Variants in KCND2 observed in about 807,000 individuals in gnomAD.
KCND2 encodes potassium voltage-gated channel subfamily D member 2, also known as A-type voltage-gated potassium channel KCND2.
KCND2 carries 16 observed loss-of-function variants against 54.4 expected under a neutral mutation model. The ratio of observed to expected loss-of-function variants is 0.29; its 90% CI spans 0.20 to 0.45. The LOEUF (loss-of-function observed/expected upper bound fraction) is 0.45. Ranked by LOEUF, KCND2 falls within the 20% of genes least tolerant of loss-of-function variation. KCND2 has a pLI of 1.00. For synonymous variants in KCND2, 317 were observed against 310.7 expected (o/e 1.02, Z -0.21); for missense variants, 486 against 824.2 (o/e 0.59, Z 5.02).
At chr7:120,277,250 T>G (rs1335327153) in intron 1 of KCND2, among the ~76,000 whole-genome samples, 2 of 152,132 alleles carry the variant, frequency 1.3e-5, no homozygotes, top group African/African-American at 4.8e-5. Flanking sequence ...CATGTTCTAC[T>G]TCTTATATTT....
intron 1 of KCND2, 27 bp from the exon 2 acceptor site, chr7:120,732,874 AAT>A (rs552647233): frequency 2.9e-5 from 46 of 1,583,392 alleles, no homozygotes; most frequent in Non-Finnish European, 3.5e-5. Flanking sequence ...GACTTAAAAC[AAT>A]ATATATATAT....
At chr7:120,429,592 C>G (rs958188138) in intron 1 of KCND2, among the ~76,000 whole-genome samples, 1 of 152,056 alleles carries the variant, frequency 6.6e-6, no homozygotes, top group African/African-American at 2.4e-5. Flanking sequence ...GTGAGTTGAA[C>G]TCGTCAGTTT....
chr7:120,531,500 C>T (rs779598282), intron 1 of KCND2, among the ~76,000 whole-genome samples: 17 of 152,056 alleles, frequency 1.1e-4, no homozygotes, highest in Non-Finnish European at 2.5e-4. Context: ...TGTAACACTC[C>T]CCATCTTAGA....
chr7:120,690,262 A>C (rs1056034797), intron 1 of KCND2, among the ~76,000 whole-genome samples: 1 of 152,206 alleles, frequency 6.6e-6, no homozygotes, highest in African/African-American at 2.4e-5. Flanking sequence ...CTTCTTTAGA[A>C]TGGCTTTTAA....
intron 1 of KCND2, among the ~76,000 whole-genome samples, chr7:120,370,164 G>A (rs568112591): frequency 6.6e-6 from 1 of 152,126 alleles, no homozygotes; most frequent in African/African-American, 2.4e-5. Flanking sequence ...CTGAGCTAGA[G>A]CAATGGTCCT....
intron 1 of KCND2, among the ~76,000 whole-genome samples, chr7:120,430,093 C>T (rs1395789377): frequency 6.6e-6 from 1 of 152,148 alleles, no homozygotes; most frequent in African/African-American, 2.4e-5. Flanking sequence ...AAAAGTACAA[C>T]AGCCTGGGAG....
chr7:120,703,994 A>G (rs1792435073), intron 1 of KCND2, among the ~76,000 whole-genome samples: 1 of 152,210 alleles, frequency 6.6e-6, no homozygotes, highest in Non-Finnish European at 1.5e-5. Context: ...TCTATGGCCA[A>G]TAATAAAAAT....
chr7:120,276,287 T>A (rs1371856832), intron 1 of KCND2, among the ~76,000 whole-genome samples: 2 of 152,204 alleles, frequency 1.3e-5, no homozygotes, highest in African/African-American at 4.8e-5. Flanking sequence ...ATAATATATA[T>A]GCACATATTC....
chr7:120,292,437 G>A (rs1358827083), intron 1 of KCND2, among the ~76,000 whole-genome samples: 1 of 151,844 alleles, frequency 6.6e-6, no homozygotes, highest in East Asian at 1.9e-4. Context: ...ATATAGACTT[G>A]TAAGTGAGAT....
At chr7:120,317,068 C>A (rs1174417551) in intron 1 of KCND2, among the ~76,000 whole-genome samples, 3 of 152,046 alleles carry the variant, frequency 2.0e-5, no homozygotes, top group Admixed American at 2.0e-4. Flanking sequence ...ATCTCCTGAC[C>A]TCGTGATCCA....
chr7:120,389,526 A>G (rs377257438), intron 1 of KCND2, among the ~76,000 whole-genome samples: 10 of 151,626 alleles, frequency 6.6e-5, no homozygotes, highest in Admixed American at 3.3e-4. Context: ...TCCCATTTCA[A>G]TCCTGCCATC....
intron 1 of KCND2, among the ~76,000 whole-genome samples, chr7:120,505,530 A>C (rs1803001078): frequency 6.6e-6 from 1 of 151,846 alleles, no homozygotes; most frequent in Middle Eastern, 3.4e-3. Context: ...CAAAAAAGAA[A>C]CCCTGTGTAT....
rs1031924857 is a variant in KCND2, at chr7:120,452,662, C to G, written c.1115+176915C>G. Among the ~76,000 whole-genome samples the G allele has an allele frequency of 3.9e-5, 6 of 152,242 alleles. No homozygotes were observed. In the East Asian group the frequency reaches 9.7e-4, roughly 25 times the overall value. On this transcript the variant is annotated intron_variant, in intron 1 of 5. Coordinates refer to ENST00000331113, the MANE Select transcript of KCND2 (RefSeq NM_012281.3). Reference sequence around the variant, plus strand: ...TCTGGAATCTGGGCAGCAAGAAGCCCTGACGCCCCCATGGACTCTTGAGTT... The same window carrying G: ...TCTGGAATCTGGGCAGCAAGAAGCCGTGACGCCCCCATGGACTCTTGAGTT...
intron 1 of KCND2, among the ~76,000 whole-genome samples, chr7:120,326,208 C>T (rs1164364098): frequency 6.6e-6 from 1 of 151,968 alleles, no homozygotes; most frequent in Non-Finnish European, 1.5e-5. Flanking sequence ...TGTACCTATG[C>T]AGATGTTGCC....
In KCND2 at chr7:120,742,597, A is replaced by G; in HGVS notation, c.1462A>G (p.Thr488Ala). The change falls in exon 4 of 6, where the codon ACC becomes GCC. Residue 488 changes from threonine to alanine, a missense_variant. Thr to Ala is a moderately conservative substitution (Grantham distance 58). Transcript: ENST00000331113. ...HHHLLHCLEKTTNHEFVDEQV... is the reference protein window; with the variant it reads ...HHHLLHCLEKATNHEFVDEQV... ...CCACCTGCTTCACTGCCTGGAAAAAACCACGGTAAGGAGACAGCATGACTG... is the reference window on the plus strand; with the variant it reads ...CCACCTGCTTCACTGCCTGGAAAAAGCCACGGTAAGGAGACAGCATGACTG... 1 of 1,613,084 alleles carries G rather than the reference A, an allele frequency of 6.2e-7. No homozygotes were observed. The highest frequency in any genetic ancestry group is 1.1e-5 in the South Asian group (1 of 91,056).
chr7:120,409,984 A>T (rs887106557), intron 1 of KCND2, among the ~76,000 whole-genome samples: 50 of 151,840 alleles, frequency 3.3e-4, no homozygotes, highest in African/African-American at 1.1e-3. Context: ...ACATAAATCT[A>T]TGTTTTTCAT....
chr7:120,445,456 C>T (rs1023774289), intron 1 of KCND2, among the ~76,000 whole-genome samples: 1 of 152,070 alleles, frequency 6.6e-6, no homozygotes, highest in African/African-American at 2.4e-5. Flanking sequence ...ATTGGGTCTA[C>T]CAGTTACCAC....
intron 1 of KCND2, among the ~76,000 whole-genome samples, chr7:120,470,304 C>T (rs1802435218): frequency 1.3e-5 from 2 of 152,080 alleles, no homozygotes. Flanking sequence ...ATGAGTTGTA[C>T]ACCAATGAAT....
chr7:120,348,800 C>T (rs983283170), intron 1 of KCND2, among the ~76,000 whole-genome samples: 2 of 152,088 alleles, frequency 1.3e-5, no homozygotes, highest in African/African-American at 4.8e-5. Flanking sequence ...TTCTGTATTT[C>T]TAAATTTATA....
Sources: gnomAD v4.1 joint callset for allele counts (sites outside exome capture counted in the v4.1 genomes callset) on GRCh38, gnomAD v4.1.1 for gene constraint, MANE v1.5 for transcripts, NCBI Gene and HGNC (gene_info 2026-07-23, HGNC 2026-07-21) for gene names.